XKR6: variants seen among roughly 807,000 people sequenced by gnomAD.
The protein encoded by XKR6 is XK-related protein 6.
A neutral mutation model predicts 56.7 loss-of-function variants in XKR6; 22 were observed. The ratio of observed to expected loss-of-function variants is 0.39; its 90% CI spans 0.28 to 0.55. The LOEUF (loss-of-function observed/expected upper bound fraction) is 0.55, where lower values mean the gene tolerates loss of function less well. Among genes scored for constraint, XKR6 ranks in the 20% least tolerant of loss-of-function variants. The pLI is 0.66. For missense variants in XKR6, 852 were observed against 889.0 expected (o/e 0.96, Z 0.53); for synonymous variants, 524 against 387.8 (o/e 1.35, Z -4.13).
At chr8:11,195,055 G>C in intron 1 of XKR6, 1 of 687,316 alleles carries the variant, frequency 1.5e-6, no homozygotes, top group Non-Finnish European at 2.6e-6. Flanking sequence ...TCATTCTCCT[G>C]GAGGAAGTAT....
intron 1 of XKR6, among the ~76,000 whole-genome samples, chr8:11,066,380 T>C (rs762337038): frequency 2.6e-5 from 4 of 152,266 alleles, no homozygotes; most frequent in South Asian, 4.1e-4. Context: ...TGGTGAAACA[T>C]TGTCTGTTCT....
chr8:11,193,116 G>A (rs915152156), intron 1 of XKR6, among the ~76,000 whole-genome samples: 1 of 152,202 alleles, frequency 6.6e-6, no homozygotes, highest in Non-Finnish European at 1.5e-5. Context: ...CTCCAAGAGG[G>A]TGGTGAAGAA....
At chr8:11,153,116 T>G (rs1312446739) in intron 1 of XKR6, among the ~76,000 whole-genome samples, 1 of 152,226 alleles carries the variant, frequency 6.6e-6, no homozygotes, top group Non-Finnish European at 1.5e-5. Flanking sequence ...GGTGCCAACA[T>G]TCACAGTTTA....
chr8:10,997,502 G>C (rs941031528), intron 1 of XKR6, among the ~76,000 whole-genome samples: 2 of 152,172 alleles, frequency 1.3e-5, no homozygotes, highest in Non-Finnish European at 2.9e-5. Context: ...ATTCTAGCTG[G>C]TGAGATAGCC....
intron 1 of XKR6, among the ~76,000 whole-genome samples, chr8:11,186,819 C>A (rs144527231): frequency 2.0e-5 from 3 of 152,236 alleles, no homozygotes; most frequent in Admixed American, 6.5e-5. Context: ...TACTGTTCTA[C>A]TGTGTTCAGT....
At chr8:11,195,383 C>G (rs1386957183) in intron 1 of XKR6, among the ~76,000 whole-genome samples, 2 of 152,010 alleles carry the variant, frequency 1.3e-5, no homozygotes, top group East Asian at 3.8e-4. Context: ...AATTCTTTTT[C>G]TATCCACTGA....
intron 1 of XKR6, among the ~76,000 whole-genome samples, chr8:10,967,829 G>A (rs1278710254): frequency 6.6e-6 from 1 of 152,178 alleles, no homozygotes; most frequent in Non-Finnish European, 1.5e-5. Context: ...TTAGGTGGTG[G>A]GTGCAGGTGG....
At chr8:11,165,351 G>C (rs919794413) in intron 1 of XKR6, among the ~76,000 whole-genome samples, 29 of 151,998 alleles carry the variant, frequency 1.9e-4, no homozygotes, top group Admixed American at 2.6e-4. Flanking sequence ...GCCCACCTCG[G>C]CTTCCCAAAG....
intron 1 of XKR6, among the ~76,000 whole-genome samples, chr8:11,093,933 G>A (rs150941390): frequency 0.012 from 1,746 of 151,790 alleles, 22 homozygotes; most frequent in Non-Finnish European, 0.018. Context: ...ACAGGTGTCC[G>A]CCACCACGCC....
intron 1 of XKR6, among the ~76,000 whole-genome samples, chr8:11,041,614 G>C (rs566158052): frequency 3.3e-5 from 5 of 152,126 alleles, no homozygotes; most frequent in Admixed American, 1.3e-4. Flanking sequence ...CAGATGCAAA[G>C]GGAGGAGCCA....
At chr8:11,070,905 G>A (rs964719425) in intron 1 of XKR6, among the ~76,000 whole-genome samples, 8 of 152,142 alleles carry the variant, frequency 5.3e-5, no homozygotes, top group African/African-American at 1.9e-4. Flanking sequence ...ACCAGACCAA[G>A]AGTACATGGC....
In XKR6 at chr8:11,067,681, C is replaced by T. The variant is rs530804519; in HGVS notation, c.764+132895G>A. On this transcript the variant is annotated intron_variant, in intron 1 of 2. Transcript: ENST00000416569. ...GACAGGTGGTTGGTGTGTGCCCACA[C>T]ACAGTTTCCTCTTCTTTCCGGGCCC... is the stretch of plus-strand genomic sequence containing the variant. Among the ~76,000 whole-genome samples the T allele has an allele frequency of 2.0e-5, 3 of 152,376 alleles. No individual in the cohort carries two copies. In the East Asian group the frequency reaches 5.8e-4, roughly 29 times the overall value.
At chr8:11,129,147 G>C (rs1017692071) in intron 1 of XKR6, 4 of 359,606 alleles carry the variant, frequency 1.1e-5, no homozygotes, top group African/African-American at 6.4e-5. Flanking sequence ...GTTTCTTTTG[G>C]AGTGATGAAA....
At chr8:10,979,638 T>C (rs1035468139) in intron 1 of XKR6, among the ~76,000 whole-genome samples, 1 of 152,214 alleles carries the variant, frequency 6.6e-6, no homozygotes, top group African/African-American at 2.4e-5. Flanking sequence ...TGGCTCCTCC[T>C]TGGGGGACAC....
At chr8:10,986,027 T>A (rs894636211) in intron 1 of XKR6, among the ~76,000 whole-genome samples, 1 of 152,164 alleles carries the variant, frequency 6.6e-6, no homozygotes, top group Non-Finnish European at 1.5e-5. Flanking sequence ...TAATAGATGA[T>A]AAAAATATTA....
At chr8:11,072,636 G>A (rs1345779326) in intron 1 of XKR6, among the ~76,000 whole-genome samples, 12 of 152,244 alleles carry the variant, frequency 7.9e-5, no homozygotes. Flanking sequence ...TAGAGAAGGT[G>A]GGGGCCACCC....
At chr8:11,102,190 C>A (rs1435703305) in intron 1 of XKR6, among the ~76,000 whole-genome samples, 3 of 152,150 alleles carry the variant, frequency 2.0e-5, no homozygotes, top group African/African-American at 7.2e-5. Context: ...CCTGCAAGTT[C>A]GTCTTGGAAT....
intron 1 of XKR6, among the ~76,000 whole-genome samples, chr8:11,195,738 T>G (rs1803848165): frequency 6.7e-6 from 1 of 149,838 alleles, no homozygotes; most frequent in Admixed American, 6.7e-5. Context: ...AAGCTCCACC[T>G]CCCGGGTTGA....
intron 1 of XKR6, among the ~76,000 whole-genome samples, chr8:11,146,448 A>T (rs1800987669): frequency 6.6e-6 from 1 of 152,206 alleles, no homozygotes; most frequent in South Asian, 2.1e-4. Flanking sequence ...CAACACGGCG[A>T]AACGCCATCT....
Sources: gnomAD v4.1 joint callset for allele counts (sites outside exome capture counted in the v4.1 genomes callset) on GRCh38, gnomAD v4.1.1 for gene constraint, MANE v1.5 for transcripts, NCBI Gene and HGNC (gene_info 2026-07-23, HGNC 2026-07-21) for gene names.